The following SH3GL3 variants were observed in gnomAD, a reference collection of about 807,000 sequenced individuals.
SH3GL3 encodes the protein endophilin-A3.
SH3GL3 carries 33 observed loss-of-function variants against 47.7 expected under a neutral mutation model. That is an observed-to-expected ratio of 0.69 (90% confidence interval 0.52 to 0.92). The LOEUF is 0.92. Ranked by LOEUF, SH3GL3 falls within the 40% of genes least tolerant of loss-of-function variation. SH3GL3 has a pLI of 0.00. For missense variants in SH3GL3, 363 were observed against 417.8 expected (o/e 0.87, Z 1.14); for synonymous variants, 155 against 148.8 (o/e 1.04, Z -0.30).
rs538355889 is a variant in SH3GL3 at position 83,535,657 on chromosome 15, G to A, written c.46-23596G>A. Among the ~76,000 whole-genome samples, 26 of 152,256 alleles carry A rather than the reference G, an allele frequency of 1.7e-4. No homozygotes were observed. In the East Asian group the frequency reaches 4.1e-3, roughly 24 times the overall value. ...CCTTCATGATTAATTCACTTTCAAA[G>A]GTTCTGCCTTAACCATTCAGGGTGT... On this transcript the variant is annotated intron_variant, in intron 1 of 8. Coordinates refer to ENST00000427482, the MANE Select transcript of SH3GL3 (RefSeq NM_003027.5).
chr15:83,526,297 C>T (rs1159198605), intron 1 of SH3GL3, among the ~76,000 whole-genome samples: 1 of 152,102 alleles, frequency 6.6e-6, no homozygotes, highest in East Asian at 1.9e-4. Flanking sequence ...CCATTTGGCC[C>T]AGCAATCCCA....
At chr15:83,492,418 A>G (rs2041913700) in intron 1 of SH3GL3, among the ~76,000 whole-genome samples, 1 of 152,002 alleles carries the variant, frequency 6.6e-6, no homozygotes. Context: ...CAGTAAATAC[A>G]TGGAAAAAAA....
chr15:83,558,378 C>G (rs1243619597), intron 1 of SH3GL3, among the ~76,000 whole-genome samples: 1 of 152,114 alleles, frequency 6.6e-6, no homozygotes, highest in Non-Finnish European at 1.5e-5. Context: ...TCCTTGTGCA[C>G]TAGTTTTCAC....
intron 1 of SH3GL3, among the ~76,000 whole-genome samples, chr15:83,524,612 TTCTA>T (rs1228329978): frequency 1.3e-5 from 2 of 152,086 alleles, no homozygotes; most frequent in Non-Finnish European, 2.9e-5. Flanking sequence ...TTAAAACTTA[TTCTA>T]TCTAACTGTA....
intron 4 of SH3GL3, among the ~76,000 whole-genome samples, chr15:83,568,960 G>A (rs1421169522): frequency 1.4e-5 from 2 of 146,566 alleles, no homozygotes; most frequent in African/African-American, 2.5e-5. Flanking sequence ...GCAGTGGCGC[G>A]ATCTTGGCTC....
chr15:83,571,076 G>T (rs763213541), intron 4 of SH3GL3, among the ~76,000 whole-genome samples: 2 of 152,214 alleles, frequency 1.3e-5, no homozygotes, highest in Non-Finnish European at 2.9e-5. Context: ...GGAAGAGGCT[G>T]TGCCGTTGGA....
rs527717142 is a variant in SH3GL3 at position 83,536,091 on chromosome 15, G to A, written c.46-23162G>A. Among the ~76,000 whole-genome samples, 14 of 152,322 alleles carry A rather than the reference G, an allele frequency of 9.2e-5. No homozygotes were observed. In the East Asian group the frequency reaches 2.5e-3, roughly 27 times the overall value. ...TCCTACCAGACCAGGCTGTTACTGC[G>A]CAGCTACTAATTTCTATGTGTGAGA... On this transcript the variant is annotated intron_variant, in intron 1 of 8. Coordinates refer to ENST00000427482, the MANE Select transcript of SH3GL3 (RefSeq NM_003027.5).
At chr15:83,450,680 G>A (rs1413207548) in intron 1 of SH3GL3, among the ~76,000 whole-genome samples, 5 of 135,382 alleles carry the variant, frequency 3.7e-5, no homozygotes, top group South Asian at 2.4e-4. Flanking sequence ...AAGTTTCAGC[G>A]TTTGAGACTA....
intron 1 of SH3GL3, among the ~76,000 whole-genome samples, chr15:83,546,643 A>G (rs978464755): frequency 4.6e-5 from 7 of 151,856 alleles, no homozygotes; most frequent in African/African-American, 1.5e-4. Flanking sequence ...TGGGTCACAC[A>G]TGAAACCAGC....
In SH3GL3 at chr15:83,618,586, A is replaced by G. The variant is rs2060888967; in HGVS notation, c.*299A>G. 1 of 337,308 alleles carries G rather than the reference A, an allele frequency of 3.0e-6. No individual in the cohort carries two copies. Among genetic ancestry groups the G allele is most frequent in the South Asian group, 4.4e-5 (1 of 22,878 alleles). 20.9% of individuals were successfully genotyped at this position (337,308 alleles called of 1,614,324 possible). A position where few individuals can be genotyped will look rare whatever the true frequency, so the allele number is the denominator to read the frequency against. On this transcript the variant is annotated 3_prime_UTR_variant, in exon 9 of 9. Coordinates refer to ENST00000427482, the MANE Select transcript of SH3GL3 (RefSeq NM_003027.5). ...TTGCAGTTATGTCAACGAATGGCCTATATTCCTCAGCTGCAATGAAATGGT... is the reference window on the plus strand; with the variant it reads ...TTGCAGTTATGTCAACGAATGGCCTGTATTCCTCAGCTGCAATGAAATGGT...
At chr15:83,620,373 T>A (rs1303695976), downstream of SH3GL3, among the ~76,000 whole-genome samples, 4 of 152,242 alleles carry the variant, frequency 2.6e-5, no homozygotes, top group African/African-American at 9.6e-5. Flanking sequence ...TCACTAGTTA[T>A]GGTAGCTGTA....
At chr15:83,459,977 T>C (rs2040190570) in intron 1 of SH3GL3, among the ~76,000 whole-genome samples, 1 of 135,592 alleles carries the variant, frequency 7.4e-6, no homozygotes, top group African/African-American at 2.8e-5. Flanking sequence ...ATTGTGACCT[T>C]CCCTTTCCCC....
At chr15:83,576,968 G>A (rs546270564) in intron 6 of SH3GL3, among the ~76,000 whole-genome samples, 1 of 121,464 alleles carries the variant, frequency 8.2e-6, no homozygotes, top group Non-Finnish European at 1.6e-5. Flanking sequence ...CCAGGCTGGA[G>A]TGCAGTGTCT....
intron 2 of SH3GL3, among the ~76,000 whole-genome samples, chr15:83,562,753 A>G (rs931453066): frequency 6.6e-6 from 1 of 152,196 alleles, no homozygotes; most frequent in Non-Finnish European, 1.5e-5. Context: ...GACTCCCTCA[A>G]ACTTTACATA....
At chr15:83,465,084 CGAATCACCT>C (rs2040506669) in intron 1 of SH3GL3, among the ~76,000 whole-genome samples, 1 of 150,934 alleles carries the variant, frequency 6.6e-6, no homozygotes, top group Non-Finnish European at 1.5e-5. Context: ...CCAAGGAGGG[CGAATCACCT>C]GAGGTCAGGA....
intron 1 of SH3GL3, among the ~76,000 whole-genome samples, chr15:83,521,500 G>T (rs548723652): frequency 1.3e-5 from 2 of 152,230 alleles, no homozygotes; most frequent in East Asian, 3.9e-4. Context: ...ATACCACAGC[G>T]CTCCTGCTTT....
intron 1 of SH3GL3, among the ~76,000 whole-genome samples, chr15:83,557,170 G>C (rs989582847): frequency 6.6e-5 from 10 of 152,144 alleles, no homozygotes; most frequent in East Asian, 3.9e-4. Context: ...GCAACAAAAC[G>C]TGGAGGTGCC....
the SH3GL3 span, among the ~76,000 whole-genome samples, chr15:83,624,629 G>A: frequency 6.6e-6 from 1 of 152,182 alleles, no homozygotes; most frequent in Admixed American, 6.5e-5. Flanking sequence ...GAATTACTGG[G>A]CCTTTGACAT....
chr15:83,549,811 C>G (rs1239657276), intron 1 of SH3GL3, among the ~76,000 whole-genome samples: 1 of 152,152 alleles, frequency 6.6e-6, no homozygotes, highest in African/African-American at 2.4e-5. Context: ...TCTTACACAA[C>G]CTAGTAAGAC....
Sources: allele counts gnomAD v4.1 joint callset (sites outside exome capture counted in the v4.1 genomes callset), GRCh38; gene constraint gnomAD v4.1.1; transcripts MANE v1.5; gene names NCBI Gene and HGNC (gene_info 2026-07-23, HGNC 2026-07-21).